Variants in B3GALT1 observed in about 807,000 individuals in gnomAD.
B3GALT1 encodes the protein beta-1,3-galactosyltransferase 1.
B3GALT1 carries 10 observed loss-of-function variants against 23.2 expected under a neutral mutation model. The observed-to-expected ratio is 0.43, with a 90% CI of 0.27 to 0.73. B3GALT1 has a LOEUF of 0.73. B3GALT1 is among the 30% of genes least tolerant of loss of function. The pLI is 0.21. For missense variants in B3GALT1, 299 were observed against 405.4 expected, an observed-to-expected ratio of 0.74 and a Z score of 2.25; for synonymous variants, 156 against 141.5, an observed-to-expected ratio of 1.10 and a Z score of -0.73.
chr2:167,848,122 C>A (rs926941037), intron 4 of B3GALT1, among the ~76,000 whole-genome samples: 1 of 152,004 alleles, frequency 6.6e-6, no homozygotes, highest in African/African-American at 2.4e-5. Flanking sequence ...AAAAAAAGGT[C>A]CAGGACCAAA....
chr2:167,563,282 C>CGA (rs1203406603), intron 2 of B3GALT1, among the ~76,000 whole-genome samples: 29 of 116,220 alleles, frequency 2.5e-4, no homozygotes, highest in African/African-American at 7.3e-4. Context: ...CAGAGGGGCT[C>CGA]CTCACTTCCC....
At position 167,435,979 on chromosome 2, in the gene B3GALT1, A is replaced by ATG. The variant is rs1290315600; in HGVS notation, c.-510-54198_-510-54197insTG. 2.6e-3 allele frequency among the ~76,000 whole-genome samples: 270 copies of ATG among 105,138 alleles called. 1 individual carries two copies. Among genetic ancestry groups the ATG allele is most frequent in the South Asian group, 0.02 (67 of 3,276 alleles). The allele number at this position is 105,138 out of a possible 152,430, so 69.0% of individuals were successfully genotyped here. ...AACACACACACACACACACACACAC[A>ATG]CACGCACACACACACACGCACTAGT... is the stretch of plus-strand genomic sequence containing the variant. On this transcript the variant is annotated intron_variant, in intron 1 of 4. Coordinates refer to ENST00000392690, the MANE Select transcript of B3GALT1 (RefSeq NM_020981.4).
intron 1 of B3GALT1, among the ~76,000 whole-genome samples, chr2:167,440,236 A>C (rs1463860318): frequency 6.6e-6 from 1 of 150,652 alleles, no homozygotes; most frequent in African/African-American, 2.4e-5. Flanking sequence ...CCAGCTACTC[A>C]GGAGGGTGAG....
intron 1 of B3GALT1, among the ~76,000 whole-genome samples, chr2:167,318,041 T>C (rs1255062375): frequency 6.6e-6 from 1 of 151,936 alleles, no homozygotes; most frequent in East Asian, 1.9e-4. Flanking sequence ...ATTAACAAAA[T>C]AAAGGGCCGG....
intron 3 of B3GALT1, among the ~76,000 whole-genome samples, chr2:167,745,478 G>T (rs1021874723): frequency 6.6e-6 from 1 of 152,052 alleles, no homozygotes; most frequent in Non-Finnish European, 1.5e-5. Flanking sequence ...CATAGTGATT[G>T]CCTATTAGAA....
chr2:167,323,091 CATT>C (rs59782514), intron 1 of B3GALT1, among the ~76,000 whole-genome samples: 1,389 of 88,804 alleles, frequency 0.016, 38 homozygotes, highest in East Asian at 0.15. Context: ...CACAATAAAA[CATT>C]ATTATGATTG....
intron 4 of B3GALT1, among the ~76,000 whole-genome samples, chr2:167,840,052 G>T (rs1411358425): frequency 6.6e-6 from 1 of 152,212 alleles, no homozygotes; most frequent in Non-Finnish European, 1.5e-5. Flanking sequence ...AGACTTCAAT[G>T]TTAGACCTAA....
At chr2:167,711,749 G>C (rs982305789) in intron 3 of B3GALT1, among the ~76,000 whole-genome samples, 1 of 152,130 alleles carries the variant, frequency 6.6e-6, no homozygotes, top group African/African-American at 2.4e-5. Flanking sequence ...CGAGTAGCTT[G>C]ATCTCAGGAA....
intron 3 of B3GALT1, among the ~76,000 whole-genome samples, chr2:167,733,864 C>CA (rs1266298907): frequency 2.0e-5 from 3 of 152,204 alleles, no homozygotes; most frequent in Non-Finnish European, 4.4e-5. Context: ...TGGCAACTGA[C>CA]AGGATCCATG....
intron 2 of B3GALT1, among the ~76,000 whole-genome samples, chr2:167,637,450 CAG>C (rs1685576290): frequency 6.6e-6 from 1 of 151,922 alleles, no homozygotes; most frequent in Non-Finnish European, 1.5e-5. Flanking sequence ...ATGATCAAGT[CAG>C]AGTATTTGCA....
chr2:167,835,290 G>A (rs958741923), intron 4 of B3GALT1, among the ~76,000 whole-genome samples: 1 of 152,210 alleles, frequency 6.6e-6, no homozygotes, highest in Non-Finnish European at 1.5e-5. Flanking sequence ...AAAGAAAGGG[G>A]TGACAGATGG....
At chr2:167,629,104 G>C (rs74363824) in intron 2 of B3GALT1, among the ~76,000 whole-genome samples, 1 of 151,598 alleles carries the variant, frequency 6.6e-6, no homozygotes. Flanking sequence ...TGGAGCAGAG[G>C]TATGTAATGA....
At chr2:167,661,696 T>G (rs11691034) in intron 3 of B3GALT1, among the ~76,000 whole-genome samples, 120,202 of 151,992 alleles carry the variant, frequency 0.79, 51,721 homozygotes, top group Non-Finnish European at 0.96. Flanking sequence ...TTGTTCTGGA[T>G]TGCTCTTTTC....
intron 2 of B3GALT1, among the ~76,000 whole-genome samples, chr2:167,576,770 A>G (rs959671177): frequency 6.6e-6 from 1 of 151,346 alleles, no homozygotes; most frequent in Non-Finnish European, 1.5e-5. Context: ...CATAAATCCT[A>G]TTTGTTCCAA....
chr2:167,309,338 A>G (rs533385161), intron 1 of B3GALT1, among the ~76,000 whole-genome samples: 49 of 152,234 alleles, frequency 3.2e-4, no homozygotes, highest in African/African-American at 1.2e-3. Flanking sequence ...AAAGTTTCAA[A>G]TAAATAGCAA....
intron 4 of B3GALT1, among the ~76,000 whole-genome samples, chr2:167,863,927 C>T (rs760115550): frequency 3.3e-5 from 5 of 151,750 alleles, no homozygotes; most frequent in Admixed American, 6.6e-5. Context: ...TTTGTTCTCA[C>T]GTCTGAAGAC....
intron 1 of B3GALT1, among the ~76,000 whole-genome samples, chr2:167,480,916 G>C (rs1446888192): frequency 6.6e-6 from 1 of 152,136 alleles, no homozygotes; most frequent in East Asian, 1.9e-4. Context: ...CTCCTCTTCA[G>C]TGCTGTAGAA....
chr2:167,368,912 C>A (rs1033744511), intron 1 of B3GALT1, among the ~76,000 whole-genome samples: 1 of 151,308 alleles, frequency 6.6e-6, no homozygotes, highest in Non-Finnish European at 1.5e-5. Context: ...TGTGAGTATT[C>A]CTAAGATAGT....
intron 3 of B3GALT1, among the ~76,000 whole-genome samples, chr2:167,669,601 A>C (rs1574202981): frequency 1.3e-5 from 2 of 152,220 alleles, no homozygotes; most frequent in South Asian, 4.1e-4. Context: ...GGCTTTAATC[A>C]AATTGAGGAA....
Sources: allele counts gnomAD v4.1 joint callset (sites outside exome capture counted in the v4.1 genomes callset), GRCh38; gene constraint gnomAD v4.1.1; transcripts MANE v1.5; gene names NCBI Gene and HGNC (gene_info 2026-07-23, HGNC 2026-07-21).